The following NRXN3 variants were observed in gnomAD, a reference collection of about 807,000 sequenced individuals.
NRXN3 encodes the protein neurexin 3.
Under a neutral mutation model 137.6 loss-of-function variants are expected in NRXN3, and 32 were observed. That is an observed-to-expected ratio of 0.23 (90% CI 0.18 to 0.31). The LOEUF (loss-of-function observed/expected upper bound fraction) is 0.31. NRXN3 is among the 10% of genes least tolerant of loss of function. The probability of loss-of-function intolerance (pLI) is 1.00; values close to 1 mark genes in which losing one functional copy is unlikely to be tolerated. For missense variants in NRXN3, 1,574 were observed against 2,062.5 expected (o/e 0.76, Z 4.59); for synonymous variants, 798 against 784.5 (o/e 1.02, Z -0.29).
intron 4 of NRXN3, among the ~76,000 whole-genome samples, chr14:78,629,893 A>G (rs546863822): frequency 3.7e-4 from 57 of 152,384 alleles, no homozygotes; most frequent in African/African-American, 1.3e-3. Context: ...TGTAATTACT[A>G]GTTCTTCAAA....
intron 1 of NRXN3, among the ~76,000 whole-genome samples, chr14:78,193,707 A>G (rs55935389): frequency 0.093 from 13,711 of 148,036 alleles, 806 homozygotes; most frequent in East Asian, 0.3. Context: ...AGTTGTAGTG[A>G]GCCGAGATTG....
intron 4 of NRXN3, among the ~76,000 whole-genome samples, chr14:78,495,084 C>CTTT (rs5809891): frequency 1.7e-5 from 2 of 115,918 alleles, no homozygotes; most frequent in African/African-American, 6.5e-5. Context: ...ATATTCTTGA[C>CTTT]TTTTTTTTTT....
At chr14:78,704,285 G>T (rs1321024258) in intron 6 of NRXN3, among the ~76,000 whole-genome samples, 1 of 152,166 alleles carries the variant, frequency 6.6e-6, no homozygotes, top group Non-Finnish European at 1.5e-5. Context: ...GGTAATAAAA[G>T]GATTCTGATT....
chr14:78,817,815 A>G (rs1042165810), intron 10 of NRXN3, among the ~76,000 whole-genome samples: 1 of 151,910 alleles, frequency 6.6e-6, no homozygotes, highest in Non-Finnish European at 1.5e-5. Flanking sequence ...TCACCCCGTG[A>G]CTCAAACGCC....
chr14:78,306,783 T>C (rs907070167), intron 4 of NRXN3, among the ~76,000 whole-genome samples: 2 of 152,148 alleles, frequency 1.3e-5, no homozygotes, highest in African/African-American at 4.8e-5. Context: ...GCAATGCTTA[T>C]TTGGCATTCA....
chr14:78,383,702 C>T (rs2089511144), intron 4 of NRXN3, among the ~76,000 whole-genome samples: 1 of 152,106 alleles, frequency 6.6e-6, no homozygotes, highest in Non-Finnish European at 1.5e-5. Context: ...AATGAATTAG[C>T]CACTCATTGG....
At chr14:78,601,626 GTA>G (rs1778263264) in intron 4 of NRXN3, among the ~76,000 whole-genome samples, 1 of 151,764 alleles carries the variant, frequency 6.6e-6, no homozygotes, top group African/African-American at 2.4e-5. Flanking sequence ...CTAATTTTTT[GTA>G]TATTTTTAGT....
chr14:78,732,338 A>G (rs2098520017), intron 8 of NRXN3, among the ~76,000 whole-genome samples: 1 of 152,112 alleles, frequency 6.6e-6, no homozygotes, highest in Non-Finnish European at 1.5e-5. Flanking sequence ...TAATTCAGAA[A>G]CAGGGGAGGT....
At chr14:79,795,006 C>T (rs1388807797) in intron 19 of NRXN3, among the ~76,000 whole-genome samples, 4 of 152,158 alleles carry the variant, frequency 2.6e-5, no homozygotes, top group Non-Finnish European at 5.9e-5. Context: ...AGCATACAAC[C>T]TAACAAAGGG....
chr14:78,613,588 T>G lies in NRXN3; in HGVS notation c.758-31532T>G, dbSNP rs1195410875. On this transcript the variant is annotated intron_variant, in intron 4 of 20. Coordinates refer to ENST00000335750, the MANE Select transcript of NRXN3 (RefSeq NM_001330195.2). The stretch of plus-strand genomic sequence containing the variant: ...TGTCTCACAACCATAGTTTTTTTTT[T>G]TTTTTTTTTTTTTTTCCCTTGGAAA... 2.2e-4 allele frequency among the ~76,000 whole-genome samples: 30 copies of G among 134,434 alleles called. 1 individual carries two copies. Among genetic ancestry groups the G allele is most frequent in the Admixed American group, 2.0e-3 (26 of 12,684 alleles). The allele number at this position is 134,434 out of a possible 152,430, so 88.2% of individuals were successfully genotyped here.
intron 19 of NRXN3, among the ~76,000 whole-genome samples, chr14:79,747,694 G>C (rs998171343): frequency 2.0e-5 from 3 of 152,098 alleles, no homozygotes. Flanking sequence ...CAGGTTTTAA[G>C]AACCAGTTTT....
chr14:78,409,175 G>C (rs1378721493), intron 4 of NRXN3, among the ~76,000 whole-genome samples: 1 of 152,214 alleles, frequency 6.6e-6, no homozygotes, highest in Admixed American at 6.5e-5. Context: ...CTCACAACCT[G>C]GATGATGATG....
At chr14:78,432,197 G>T (rs1198957388) in intron 4 of NRXN3, among the ~76,000 whole-genome samples, 1 of 152,110 alleles carries the variant, frequency 6.6e-6, no homozygotes, top group Non-Finnish European at 1.5e-5. Context: ...ACATTGACTT[G>T]CCCTGCAGAA....
At chr14:79,610,504 C>T (rs575086080) in intron 16 of NRXN3, among the ~76,000 whole-genome samples, 48 of 152,286 alleles carry the variant, frequency 3.2e-4, no homozygotes, top group Admixed American at 7.2e-4. Context: ...CTGGCTACTA[C>T]GTGCCAGCCA....
At chr14:79,039,496 T>A (rs1404319017) in intron 15 of NRXN3, among the ~76,000 whole-genome samples, 1 of 152,110 alleles carries the variant, frequency 6.6e-6, no homozygotes, top group East Asian at 1.9e-4. Context: ...ACAAGGCAGC[T>A]TTTGGACCCA....
At chr14:79,297,288 G>A (rs1416011468) in intron 15 of NRXN3, among the ~76,000 whole-genome samples, 1 of 152,038 alleles carries the variant, frequency 6.6e-6, no homozygotes, top group East Asian at 1.9e-4. Context: ...GGGTTAGACA[G>A]GGTTGTTAGA....
chr14:78,921,229 G>T (rs1029850842), intron 10 of NRXN3, among the ~76,000 whole-genome samples: 4 of 152,094 alleles, frequency 2.6e-5, no homozygotes, highest in African/African-American at 7.2e-5. Context: ...AGATTTTTTT[G>T]TTGTTGTTAC....
chr14:79,851,723 C>A (rs2099391851), intron 20 of NRXN3, among the ~76,000 whole-genome samples: 1 of 152,118 alleles, frequency 6.6e-6, no homozygotes, highest in Non-Finnish European at 1.5e-5. Flanking sequence ...CTGAATATAA[C>A]TCTTGTGATC....
At chr14:79,589,997 T>C (rs1328529708) in intron 16 of NRXN3, among the ~76,000 whole-genome samples, 2 of 152,148 alleles carry the variant, frequency 1.3e-5, no homozygotes, top group African/African-American at 4.8e-5. Flanking sequence ...CACCAAAACA[T>C]GATAAGCCCA....
Sources: allele counts gnomAD v4.1 joint callset (sites outside exome capture counted in the v4.1 genomes callset), GRCh38; gene constraint gnomAD v4.1.1; transcripts MANE v1.5; gene names NCBI Gene and HGNC (gene_info 2026-07-23, HGNC 2026-07-21).